CREB5: variants seen among roughly 807,000 people sequenced by gnomAD.
CREB5 encodes the protein cyclic AMP-responsive element-binding protein 5.
CREB5 carries 19 observed loss-of-function variants against 57.1 expected under a neutral mutation model. The observed-to-expected ratio is 0.33, with a 90% confidence interval of 0.23 to 0.49. The LOEUF (loss-of-function observed/expected upper bound fraction) is 0.49. Among genes scored for constraint, CREB5 ranks in the 20% least tolerant of loss-of-function variants. The pLI is 0.99. For synonymous variants in CREB5, 238 were observed against 238.3 expected (o/e 1.00, Z 0.01); for missense variants, 579 against 671.6 (o/e 0.86, Z 1.52).
chr7:28,556,580 T>C (rs1794889460), intron 4 of CREB5, among the ~76,000 whole-genome samples: 1 of 152,196 alleles, frequency 6.6e-6, no homozygotes, highest in Admixed American at 6.5e-5. Flanking sequence ...CTTGTATAAA[T>C]TTTCTCTAAT....
At chr7:28,302,640 G>A (rs1442449763) in intron 1 of CREB5, among the ~76,000 whole-genome samples, 1 of 152,108 alleles carries the variant, frequency 6.6e-6, no homozygotes, top group African/African-American at 2.4e-5. Context: ...ATGTGCTGGG[G>A]CCAAAAGAGG....
intron 1 of CREB5, among the ~76,000 whole-genome samples, chr7:28,477,729 G>A (rs1470292130): frequency 1.3e-5 from 2 of 152,182 alleles, no homozygotes; most frequent in African/African-American, 4.8e-5. Context: ...TGGATTTGCA[G>A]GCTTTAGTGA....
intron 1 of CREB5, among the ~76,000 whole-genome samples, chr7:28,338,240 T>C (rs1785866300): frequency 6.6e-6 from 1 of 152,190 alleles, no homozygotes. Context: ...TGATTTCTTA[T>C]TGCACAATAA....
chr7:28,806,451 G>A (rs1251666020), intron 8 of CREB5, among the ~76,000 whole-genome samples: 3 of 152,094 alleles, frequency 2.0e-5, no homozygotes, highest in African/African-American at 7.2e-5. Context: ...AGAATCCTTT[G>A]AACTCTGAGA....
intron 5 of CREB5, among the ~76,000 whole-genome samples, chr7:28,575,705 A>G (rs1795883750): frequency 6.6e-6 from 1 of 152,192 alleles, no homozygotes; most frequent in African/African-American, 2.4e-5. Context: ...TTTGCTGAAT[A>G]TCACGGCTAT....
At chr7:28,352,108 AT>A (rs1480646802) in intron 1 of CREB5, among the ~76,000 whole-genome samples, 3 of 152,224 alleles carry the variant, frequency 2.0e-5, no homozygotes, top group African/African-American at 7.2e-5. Context: ...ATCAAAAATT[AT>A]TTGTTATAAT....
At chr7:28,622,255 T>TCACACA (rs1248916778) in intron 5 of CREB5, among the ~76,000 whole-genome samples, 8 of 140,760 alleles carry the variant, frequency 5.7e-5, no homozygotes, top group African/African-American at 2.3e-4. Flanking sequence ...TCTCTCTCTC[T>TCACACA]CTCTCACACA....
chr7:28,452,002 C>T (rs1223881691), intron 1 of CREB5, among the ~76,000 whole-genome samples: 1 of 152,158 alleles, frequency 6.6e-6, no homozygotes, highest in African/African-American at 2.4e-5. Context: ...CTGCCAGCTC[C>T]CTTTACCGAG....
chr7:28,818,771 A>T (rs1327091175), intron 10 of CREB5: 3 of 474,628 alleles, frequency 6.3e-6, no homozygotes, highest in Non-Finnish European at 8.3e-6. Context: ...ATTGAGCAAC[A>T]CAGATTCTCC....
At chr7:28,610,645 C>G (rs1395831569) in intron 5 of CREB5, among the ~76,000 whole-genome samples, 1 of 151,990 alleles carries the variant, frequency 6.6e-6, no homozygotes, top group Non-Finnish European at 1.5e-5. Context: ...GCTAATGGCC[C>G]AGTAACCTAA....
intron 1 of CREB5, among the ~76,000 whole-genome samples, chr7:28,366,952 A>G (rs1257827335): frequency 6.6e-6 from 1 of 152,202 alleles, no homozygotes; most frequent in Non-Finnish European, 1.5e-5. Context: ...TATTAGGTAC[A>G]TTCTGAGGCT....
At chr7:28,561,027 T>TGTGC (rs1440286922) in intron 4 of CREB5, among the ~76,000 whole-genome samples, 3 of 70,488 alleles carry the variant, frequency 4.3e-5, no homozygotes, top group African/African-American at 2.2e-4. Context: ...CGTGTGTGCG[T>TGTGC]GTGTGTGTGT....
chr7:28,678,744 CAT>C (rs1188169399), intron 5 of CREB5, among the ~76,000 whole-genome samples: 1 of 152,182 alleles, frequency 6.6e-6, no homozygotes, highest in African/African-American at 2.4e-5. Context: ...TTAATAAAAA[CAT>C]AGATAATTTC....
intron 1 of CREB5, among the ~76,000 whole-genome samples, chr7:28,329,717 A>G (rs931648173): frequency 1.9e-4 from 29 of 152,214 alleles, no homozygotes; most frequent in African/African-American, 6.8e-4. Context: ...TCTGTCAAAG[A>G]TAACACTGTA....
chr7:28,412,804 A>G lies in CREB5; in HGVS notation c.-111A>G. The G allele has an allele frequency of 2.9e-6, 3 of 1,030,192 alleles. No individual in the cohort carries two copies. Among genetic ancestry groups the G allele is most frequent in the Non-Finnish European group, 4.1e-6 (3 of 729,678 alleles). 63.8% of individuals were successfully genotyped at this position (1,030,192 alleles called of 1,614,324 possible). A position where few individuals can be genotyped will look rare whatever the true frequency, so the allele number is the denominator to read the frequency against. Reference sequence around the variant, plus strand: ...ATACTGAGGCAAATACTCAAGACTTATTTTCTTCCTAATCTTGCTGGTGAA... The same window carrying G: ...ATACTGAGGCAAATACTCAAGACTTGTTTTCTTCCTAATCTTGCTGGTGAA... On this transcript the variant is annotated 5_prime_UTR_variant, in exon 1 of 11. Coordinates refer to ENST00000357727, the MANE Select transcript of CREB5 (RefSeq NM_182898.4).
intron 5 of CREB5, among the ~76,000 whole-genome samples, chr7:28,597,771 G>A (rs941439396): frequency 7.2e-5 from 11 of 152,122 alleles, no homozygotes; most frequent in African/African-American, 2.7e-4. Context: ...CACTTGGAGA[G>A]GATTCCCTCT....
chr7:28,465,452 T>C (rs967063957), intron 1 of CREB5, among the ~76,000 whole-genome samples: 1 of 152,214 alleles, frequency 6.6e-6, no homozygotes, highest in African/African-American at 2.4e-5. Flanking sequence ...ATAAATGTAT[T>C]TCCAGGATTC....
intron 1 of CREB5, among the ~76,000 whole-genome samples, chr7:28,473,325 GA>G (rs973451834): frequency 6.6e-6 from 1 of 151,818 alleles, no homozygotes; most frequent in African/African-American, 2.4e-5. Context: ...CCATCTCTGA[GA>G]AAAAAAATAA....
chr7:28,743,952 A>C (rs1804544794), intron 7 of CREB5, among the ~76,000 whole-genome samples: 1 of 126,268 alleles, frequency 7.9e-6, no homozygotes, highest in African/African-American at 3.1e-5. Context: ...TGCACCCACT[A>C]ATGTGTCATC....
Sources: allele counts gnomAD v4.1 joint callset (sites outside exome capture counted in the v4.1 genomes callset), GRCh38; gene constraint gnomAD v4.1.1; transcripts MANE v1.5; gene names NCBI Gene and HGNC (gene_info 2026-07-23, HGNC 2026-07-21).